Variants in AVEN observed in about 807,000 individuals in gnomAD.
The protein encoded by AVEN is cell death regulator Aven.
A neutral mutation model predicts 38.1 loss-of-function variants in AVEN; 41 were observed. That is an observed-to-expected ratio of 1.08 (90% CI 0.84 to 1.40). The LOEUF is 1.40. AVEN is among the 40% of genes most tolerant of loss of function. AVEN has a pLI of 0.00. For synonymous variants in AVEN, 206 were observed against 171.8 expected (o/e 1.20, Z -1.56); for missense variants, 605 against 438.8 (o/e 1.38, Z -3.38).
At chr15:34,024,318 G>A (rs182697912) in intron 1 of AVEN, among the ~76,000 whole-genome samples, 213 of 152,120 alleles carry the variant, frequency 1.4e-3, no homozygotes, top group African/African-American at 4.9e-3. Context: ...AATAAAGTAG[G>A]TATGAGATGA....
At chr15:33,901,353 T>C (rs591036) in intron 2 of AVEN, among the ~76,000 whole-genome samples, 16,700 of 152,212 alleles carry the variant, frequency 0.11, 1,412 homozygotes, top group African/African-American at 0.22. Context: ...GAAGTCCACA[T>C]ACAATGAAAT....
exon 1 of AVEN, among the ~76,000 whole-genome samples, chr15:34,074,791 G>A (rs898830790): frequency 5.3e-5 from 8 of 152,036 alleles, no homozygotes; most frequent in African/African-American, 1.9e-4. Flanking sequence ...TTTGTTGGGG[G>A]GACACAATTC....
At chr15:33,859,484 C>A (rs117620972) in intron 11 of AVEN, 55,424 of 1,472,826 alleles carry the variant, frequency 0.038, 1,384 homozygotes, top group Non-Finnish European at 0.04. Flanking sequence ...AGGGCTGCCA[C>A]AATCTGACCG....
chr15:33,865,743 C>T (rs1331728394), downstream of AVEN: 2 of 153,590 alleles, frequency 1.3e-5, no homozygotes, highest in Non-Finnish European at 2.9e-5. Flanking sequence ...AAAAAACCGA[C>T]ACTTTGTCGA....
At chr15:33,950,736 T>A (rs1894708175) in intron 2 of AVEN, among the ~76,000 whole-genome samples, 1 of 152,186 alleles carries the variant, frequency 6.6e-6, no homozygotes, top group Non-Finnish European at 1.5e-5. Context: ...CTGGGTTCAG[T>A]GGCTCACACC....
chr15:33,908,701 C>A lies in AVEN; in HGVS notation c.446-32706G>T, dbSNP rs1287021396. On this transcript the variant is annotated intron_variant, in intron 2 of 5. Coordinates refer to ENST00000306730, the MANE Select transcript of AVEN (RefSeq NM_020371.3). ...TCCTTTCTGAAGTCTGAGTAATAAT[C>A]CACTGTATCACATTTATTCATTTAT... 2.0e-5 allele frequency among the ~76,000 whole-genome samples: 3 copies of A among 152,112 alleles called. No homozygotes were observed. In the East Asian group the frequency reaches 5.8e-4, roughly 29 times the overall value.
chr15:33,921,495 C>T (rs1893393480), intron 2 of AVEN, among the ~76,000 whole-genome samples: 1 of 152,080 alleles, frequency 6.6e-6, no homozygotes, highest in Non-Finnish European at 1.5e-5. Flanking sequence ...ATAAGGAAGG[C>T]ACACTTGAGG....
At chr15:34,014,358 CCATCT>C (rs1338139374) in intron 1 of AVEN, among the ~76,000 whole-genome samples, 2 of 106,530 alleles carry the variant, frequency 1.9e-5, no homozygotes, top group African/African-American at 7.9e-5. Context: ...GAGCGAAACT[CCATCT>C]CATTAAAAAA....
chr15:33,929,974 T>TA (rs1300210599), intron 2 of AVEN, among the ~76,000 whole-genome samples: 3 of 152,084 alleles, frequency 2.0e-5, no homozygotes, highest in Non-Finnish European at 2.9e-5. Flanking sequence ...AACCGCCGCT[T>TA]AAAAAAATAT....
chr15:33,927,869 T>C (rs1032722389), intron 2 of AVEN, among the ~76,000 whole-genome samples: 2 of 152,142 alleles, frequency 1.3e-5, no homozygotes, highest in Non-Finnish European at 2.9e-5. Context: ...ACATATTTAA[T>C]GTGGTTTCTG....
At chr15:33,888,029 TA>T (rs1379189238) in intron 2 of AVEN, among the ~76,000 whole-genome samples, 1 of 151,828 alleles carries the variant, frequency 6.6e-6, no homozygotes, top group Non-Finnish European at 1.5e-5. Flanking sequence ...ACTACCAATA[TA>T]AACAAGTAAT....
In AVEN at chr15:33,867,694, G is replaced by A. The variant is rs1567384328; in HGVS notation, c.774C>T (p.Asp258=). The change falls in exon 5 of 6, where the codon GAC becomes GAT. Residue 258 remains aspartate, a synonymous_variant. Coordinates refer to ENST00000306730, the MANE Select transcript of AVEN (RefSeq NM_020371.3). ...AAGCPVLLGK[D]NPSPGPSRDS... ...CCCTTGAAGGACCCGGGCTTGGGTT[G>A]TCTTTGCCCAGCAACACAGGGCAGC... 1.2e-6 allele frequency: 2 copies of A among 1,614,150 alleles called. No homozygotes were observed. The highest frequency in any genetic ancestry group is 1.7e-6 in the Non-Finnish European group (2 of 1,180,018).
chr15:33,865,314 ATGTG>A, downstream of AVEN: 1 of 879,494 alleles, frequency 1.1e-6, no homozygotes, highest in Non-Finnish European at 1.8e-6. Flanking sequence ...CATATCTGAA[ATGTG>A]ACATTTTCTA....
chr15:33,944,660 T>C (rs1392360691), intron 2 of AVEN, among the ~76,000 whole-genome samples: 9 of 151,902 alleles, frequency 5.9e-5, no homozygotes, highest in Non-Finnish European at 1.0e-4. Flanking sequence ...ATACAAAAAA[T>C]TAGCCGGGCG....
At chr15:33,906,494 T>G (rs1466327712) in intron 2 of AVEN, among the ~76,000 whole-genome samples, 5 of 152,366 alleles carry the variant, frequency 3.3e-5, no homozygotes, top group African/African-American at 1.2e-4. Context: ...TAAAGTTGGA[T>G]GTACAAATAT....
chr15:33,951,209 C>T (rs1029153289), intron 2 of AVEN, among the ~76,000 whole-genome samples: 4 of 152,110 alleles, frequency 2.6e-5, no homozygotes, highest in Admixed American at 1.3e-4. Flanking sequence ...TTTATAAAGG[C>T]CTGTGCGTGG....
At chr15:34,070,637 C>A (rs899503867) in exon 2 of AVEN, among the ~76,000 whole-genome samples, 1 of 152,098 alleles carries the variant, frequency 6.6e-6, no homozygotes, top group Admixed American at 6.6e-5. Context: ...CTCCATTGAG[C>A]TAAGGATGTG....
At chr15:34,027,248 C>T (rs1416137750) in intron 1 of AVEN, among the ~76,000 whole-genome samples, 4 of 152,156 alleles carry the variant, frequency 2.6e-5, no homozygotes, top group Non-Finnish European at 1.5e-5. Flanking sequence ...ACAGCCTCGG[C>T]TCATACCTGT....
intron 2 of AVEN, among the ~76,000 whole-genome samples, chr15:34,069,716 G>A (rs1900591988): frequency 6.6e-6 from 1 of 152,130 alleles, no homozygotes; most frequent in South Asian, 2.1e-4. Context: ...GATATACTCA[G>A]ATTACTATGC....
Sources: allele counts gnomAD v4.1 joint callset (sites outside exome capture counted in the v4.1 genomes callset), GRCh38; gene constraint gnomAD v4.1.1; transcripts MANE v1.5; gene names NCBI Gene and HGNC (gene_info 2026-07-23, HGNC 2026-07-21).